PLCB1: variants seen among roughly 807,000 people sequenced by gnomAD.
PLCB1 encodes the protein phospholipase C beta 1, also known as 1-phosphatidylinositol 4,5-bisphosphate phosphodiesterase beta-1.
In PLCB1, 46 loss-of-function variants were observed where a neutral mutation model predicts 161.8. That is an observed-to-expected ratio of 0.28 (90% confidence interval 0.22 to 0.36). PLCB1 has a LOEUF of 0.36. PLCB1 is among the 10% of genes least tolerant of loss of function. The pLI is 1.00. For synonymous variants in PLCB1, 517 were observed against 503.7 expected (o/e 1.03, Z -0.35); for missense variants, 1,016 against 1,472.5 (o/e 0.69, Z 5.07).
intron 4 of PLCB1, among the ~76,000 whole-genome samples, chr20:8,629,828 T>A (rs1378923258): frequency 1.4e-5 from 1 of 70,826 alleles, no homozygotes; most frequent in East Asian, 2.8e-4. Context: ...TTTCTTTCTT[T>A]CTTTCTTTCT....
chr20:8,839,752 A>AAAAC (rs368082373), intron 31 of PLCB1, among the ~76,000 whole-genome samples: 5 of 148,380 alleles, frequency 3.4e-5, no homozygotes, highest in Non-Finnish European at 3.0e-5. Flanking sequence ...AAAAAAAAAA[A>AAAAC]GCCTTGGCCA....
At chr20:8,584,835 C>T (rs1232845416) in intron 3 of PLCB1, among the ~76,000 whole-genome samples, 11 of 152,072 alleles carry the variant, frequency 7.2e-5, no homozygotes, top group African/African-American at 2.7e-4. Context: ...GGACTATAGG[C>T]GCCCGCCACC....
intron 3 of PLCB1, among the ~76,000 whole-genome samples, chr20:8,589,833 G>A (rs1195284082): frequency 6.6e-6 from 1 of 151,402 alleles, no homozygotes; most frequent in African/African-American, 2.4e-5. Context: ...TGCTTAGGTT[G>A]GTCTCAAACT....
At chr20:8,286,123 G>C (rs1474157693) in intron 2 of PLCB1, among the ~76,000 whole-genome samples, 1 of 152,170 alleles carries the variant, frequency 6.6e-6, no homozygotes, top group Non-Finnish European at 1.5e-5. Context: ...TCAGGAGTTC[G>C]AGACCAGCCT....
At position 8,523,353 on chromosome 20, in the gene PLCB1, TAG is replaced by T. The variant is rs201250115; in HGVS notation, c.247-104938_247-104937del. Among the ~76,000 whole-genome samples, 723 of 148,484 alleles carry T rather than the reference TAG, an allele frequency of 4.9e-3. 23 individuals are homozygous for T. The highest frequency in any genetic ancestry group is 0.041 in the Admixed American group (605 of 14,786). Reference sequence around the variant, plus strand: ...ATTAGCAAGTCTTTGGAGCAAAAATTAGAGTCAAGAGGAAGTTTTGCAAATGA... The same window carrying T: ...ATTAGCAAGTCTTTGGAGCAAAAATTAGTCAAGAGGAAGTTTTGCAAATGA... On this transcript the variant is annotated intron_variant, in intron 3 of 31. Transcript: ENST00000338037.
intron 2 of PLCB1, among the ~76,000 whole-genome samples, chr20:8,252,907 T>A (rs189415519): frequency 4.2e-4 from 64 of 152,142 alleles, no homozygotes; most frequent in Admixed American, 2.6e-3. Context: ...GCCTTACTTA[T>A]ATCTAGGTGA....
At chr20:8,681,717 T>C (rs1282480266) in intron 9 of PLCB1, among the ~76,000 whole-genome samples, 6 of 152,200 alleles carry the variant, frequency 3.9e-5, no homozygotes, top group Non-Finnish European at 7.3e-5. Context: ...TAAGGAATTG[T>C]TATAGTTAGA....
intron 2 of PLCB1, among the ~76,000 whole-genome samples, chr20:8,260,245 ATTT>A (rs55691846): frequency 3.7e-5 from 5 of 133,552 alleles, no homozygotes; most frequent in Non-Finnish European, 1.6e-5. Flanking sequence ...AGCACCCAGC[ATTT>A]TTTTTTTTTT....
At chr20:8,238,653 A>C (rs925192956) in intron 2 of PLCB1, among the ~76,000 whole-genome samples, 1 of 152,010 alleles carries the variant, frequency 6.6e-6, no homozygotes, top group African/African-American at 2.4e-5. Context: ...AAGGGGAAAA[A>C]GAGGTCAGTT....
intron 31 of PLCB1, among the ~76,000 whole-genome samples, chr20:8,855,953 T>C (rs1464053477): frequency 6.6e-6 from 1 of 152,134 alleles, no homozygotes; most frequent in East Asian, 1.9e-4. Flanking sequence ...TTTTGAAAAT[T>C]GGATGAACAA....
chr20:8,628,532 T>C (rs544058638), intron 4 of PLCB1, 101 bp downstream of exon 4: 2 of 1,243,156 alleles, frequency 1.6e-6, no homozygotes, highest in Admixed American at 2.1e-5. Flanking sequence ...ATATTTAGCA[T>C]GTGTTAAAAT....
At chr20:8,761,840 C>T (rs1428772625) in intron 25 of PLCB1, among the ~76,000 whole-genome samples, 1 of 145,480 alleles carries the variant, frequency 6.9e-6, no homozygotes, top group African/African-American at 2.5e-5. Context: ...GTGATCCACC[C>T]GCCTCGGCCT....
chr20:8,499,611 G>A (rs1298468740), intron 3 of PLCB1, among the ~76,000 whole-genome samples: 2 of 152,028 alleles, frequency 1.3e-5, no homozygotes, highest in Non-Finnish European at 2.9e-5. Flanking sequence ...TTTATTCTTG[G>A]TATATGTGCC....
At chr20:8,191,953 A>G (rs1468422896) in intron 2 of PLCB1, among the ~76,000 whole-genome samples, 1 of 152,036 alleles carries the variant, frequency 6.6e-6, no homozygotes, top group African/African-American at 2.4e-5. Flanking sequence ...GGTTGACTTC[A>G]ATATTCAGCC....
At chr20:8,145,385 C>G (rs1013610640) in intron 1 of PLCB1, among the ~76,000 whole-genome samples, 1 of 152,158 alleles carries the variant, frequency 6.6e-6, no homozygotes, top group South Asian at 2.1e-4. Flanking sequence ...AATAAGATCA[C>G]ACTTTGAGGT....
intron 4 of PLCB1, among the ~76,000 whole-genome samples, chr20:8,637,568 G>A (rs908812505): frequency 6.6e-6 from 1 of 151,712 alleles, no homozygotes; most frequent in African/African-American, 2.4e-5. Flanking sequence ...AGAAGGGTGG[G>A]GATAAATGTA....
chr20:8,725,245 G>A (rs1349623721), intron 16 of PLCB1, among the ~76,000 whole-genome samples: 1 of 152,100 alleles, frequency 6.6e-6, no homozygotes, highest in Non-Finnish European at 1.5e-5. Flanking sequence ...AGAAGAAAAT[G>A]CATTAACTTC....
chr20:8,246,479 G>A (rs957226970), intron 2 of PLCB1, among the ~76,000 whole-genome samples: 2 of 151,940 alleles, frequency 1.3e-5, no homozygotes, highest in African/African-American at 4.8e-5. Flanking sequence ...GAGGCCTGTT[G>A]TTAGAACTGA....
intron 3 of PLCB1, among the ~76,000 whole-genome samples, chr20:8,513,980 C>A (rs141926567): frequency 1.3e-5 from 2 of 151,916 alleles, no homozygotes; most frequent in East Asian, 3.9e-4. Flanking sequence ...GAGCCAAGAT[C>A]ATGCCACCCC....
Sources: gnomAD v4.1 joint callset for allele counts (sites outside exome capture counted in the v4.1 genomes callset) on GRCh38, gnomAD v4.1.1 for gene constraint, MANE v1.5 for transcripts, NCBI Gene and HGNC (gene_info 2026-07-23, HGNC 2026-07-21) for gene names.